DENND4C: variants seen among roughly 807,000 people sequenced by gnomAD.
The protein encoded by DENND4C is DENN domain containing 4C.
A neutral mutation model predicts 203.0 loss-of-function variants in DENND4C; 108 were observed. The ratio of observed to expected loss-of-function variants is 0.53; its 90% CI spans 0.46 to 0.62. The LOEUF (loss-of-function observed/expected upper bound fraction) is 0.62. DENND4C is among the 20% of genes least tolerant of loss of function. The probability of loss-of-function intolerance (pLI) is 0.00; values close to 1 mark genes in which losing one functional copy is unlikely to be tolerated. For synonymous variants in DENND4C, 871 were observed against 792.4 expected (o/e 1.10, Z -1.67); for missense variants, 2,481 against 2,301.2 (o/e 1.08, Z -1.60).
intron 12 of DENND4C, among the ~76,000 whole-genome samples, chr9:19,320,657 G>A (rs905809760): frequency 1.2e-4 from 18 of 152,210 alleles, no homozygotes; most frequent in African/African-American, 4.3e-4. Flanking sequence ...CTCTTGGCAA[G>A]AAGTGCCAAA....
chr9:19,257,902 C>T (rs1005324057), intron 1 of DENND4C, among the ~76,000 whole-genome samples: 2 of 152,050 alleles, frequency 1.3e-5, no homozygotes, highest in African/African-American at 4.8e-5. Flanking sequence ...GGGGGAGAAT[C>T]GCTTGAGCCC....
intron 12 of DENND4C, among the ~76,000 whole-genome samples, chr9:19,317,313 C>G (rs527295562): frequency 1.4e-3 from 209 of 151,846 alleles, no homozygotes; most frequent in African/African-American, 4.8e-3. Flanking sequence ...AGCCACTGCA[C>G]TTGGCCAGAT....
rs371630418 is a variant in DENND4C, at chr9:19,276,055, G to C, written c.-17-103G>C. On this transcript the variant is annotated intron_variant, in intron 1 of 32. Coordinates refer to ENST00000434457, the MANE Select transcript of DENND4C (RefSeq NM_001330640.2). ...GAATGGCAATTTGATTATAAATCTA[G>C]CTGGGAAGTGTGCTAGTTGATGATT... 132 of 524,922 alleles carry C rather than the reference G, an allele frequency of 2.5e-4. 1 individual carries two copies. In the South Asian group the frequency reaches 0.012, roughly 48 times the overall value. The allele number at this position is 524,922 out of a possible 1,614,324, so 32.5% of individuals were successfully genotyped here.
intron 2 of DENND4C, among the ~76,000 whole-genome samples, chr9:19,285,805 T>C (rs1054739789): frequency 2.9e-4 from 44 of 152,308 alleles, no homozygotes; most frequent in African/African-American, 9.4e-4. Flanking sequence ...ACACTACATA[T>C]TGAAAAGACT....
At chr9:19,302,086 A>G (rs1034497255) in intron 9 of DENND4C, among the ~76,000 whole-genome samples, 1 of 152,246 alleles carries the variant, frequency 6.6e-6, no homozygotes, top group East Asian at 1.9e-4. Flanking sequence ...ATTGGTAATC[A>G]TATGAAAAAT....
At chr9:19,258,522 A>G (rs1020535746) in intron 1 of DENND4C, among the ~76,000 whole-genome samples, 4 of 152,242 alleles carry the variant, frequency 2.6e-5, no homozygotes, top group African/African-American at 9.6e-5. Flanking sequence ...TATGCCAGAA[A>G]TTCAGGATTG....
At chr9:19,331,456 C>T (rs1819155140) in intron 16 of DENND4C, among the ~76,000 whole-genome samples, 2 of 152,116 alleles carry the variant, frequency 1.3e-5, no homozygotes, top group Non-Finnish European at 1.5e-5. Context: ...CTGCCTTGGC[C>T]TCCCAAAGTG....
At chr9:19,298,180 C>T in intron 7 of DENND4C, 58 bp downstream of exon 7, 1 of 1,472,394 alleles carries the variant, frequency 6.8e-7, no homozygotes, top group Non-Finnish European at 9.4e-7. Flanking sequence ...TGAGTCATTG[C>T]AGAGTGGATT....
chr9:19,329,329 G>T lies in DENND4C; in HGVS notation c.2253+1167G>T, dbSNP rs149242827. On this transcript the variant is annotated intron_variant, in intron 16 of 32. Coordinates refer to ENST00000434457, the MANE Select transcript of DENND4C (RefSeq NM_001330640.2). ...AACTGCATAATATGTATTCTTTTGT[G>T]ACTGGCATCTTTCATTTAGTGTAAC... Among the ~76,000 whole-genome samples the T allele has an allele frequency of 7.6e-4, 115 of 152,252 alleles. 3 individuals carry two copies. The Middle Eastern group carries it at 0.01, about 14-fold the overall frequency.
At position 19,358,147 on chromosome 9, in the gene DENND4C, T is replaced by C; in HGVS notation, c.5147T>C (p.Leu1716Pro). The change falls in exon 28 of 33, where the codon CTG becomes CCG. Residue 1716 changes from leucine (L) to proline (P), a missense_variant. By Grantham distance (98) the Leu-to-Pro change is moderately conservative. Coordinates refer to ENST00000434457, the MANE Select transcript of DENND4C (RefSeq NM_001330640.2). This position sits in a 1 kb window ranked among gnomAD's most constrained non-coding sequence, Gnocchi z 4.8. ...TCAACAGTTAGTCTTCCAAATAGTC[T>C]GCAGGAAGTTGTGGTATGTAACAAC... ...GISTVSLPNSLQEVVDPLGKR... is the reference protein window; with the variant it reads ...GISTVSLPNSPQEVVDPLGKR... The C allele has an allele frequency of 6.2e-7, 1 of 1,613,420 alleles. No homozygotes were observed. Among genetic ancestry groups the C allele is most frequent in the African/African-American group, 1.3e-5 (1 of 75,036 alleles).
At chr9:19,363,479 GC>G in intron 30 of DENND4C, among the ~76,000 whole-genome samples, 1 of 151,752 alleles carries the variant, frequency 6.6e-6, no homozygotes, top group Non-Finnish European at 1.5e-5. Flanking sequence ...TCCAGCCTGG[GC>G]GACAGAGTGA....
rs1468012225 is a variant in DENND4C at position 19,328,068 on chromosome 9, A to G, written c.2159A>G (p.Asp720Gly). The change falls in exon 16 of 33, where the codon GAC becomes GGC. Residue 720 changes from aspartate to glycine, a missense_variant. Coordinates refer to ENST00000434457, the MANE Select transcript of DENND4C (RefSeq NM_001330640.2). ...YFPRLDLKLF[D>G]RPQELKLCFS... ...CCAAGACTGGACCTTAAGCTTTTTG[A>G]CAGACCGCAGGAGTTGAAACTTTGT... 1 of 1,612,410 alleles carries G rather than the reference A, an allele frequency of 6.2e-7. No homozygotes were observed. The highest frequency in any genetic ancestry group is 8.5e-7 in the Non-Finnish European group (1 of 1,179,508).
At chr9:19,328,774 C>T (rs954374258) in intron 16 of DENND4C, among the ~76,000 whole-genome samples, 4 of 152,054 alleles carry the variant, frequency 2.6e-5, no homozygotes, top group Middle Eastern at 3.4e-3. Context: ...ATTGGCCGGG[C>T]GCAGTGGCTC....
chr9:19,286,678 A>G (rs1040283320), intron 2 of DENND4C, 91 bp from the exon 3 acceptor site: 7 of 1,156,380 alleles, frequency 6.1e-6, no homozygotes, highest in Non-Finnish European at 5.4e-6. Flanking sequence ...GAAAACCAGC[A>G]TTAACCTGAA....
intron 31 of DENND4C, chr9:19,371,393 G>A (rs1238606721): frequency 6.2e-6 from 1 of 160,772 alleles, no homozygotes; most frequent in South Asian, 1.8e-4. Context: ...CTCTGCTTTT[G>A]TAAATTTTAT....
intron 1 of DENND4C, among the ~76,000 whole-genome samples, chr9:19,260,367 T>C (rs1829045337): frequency 1.4e-5 from 1 of 72,170 alleles, no homozygotes; most frequent in Admixed American, 1.6e-4. Context: ...TCCTTATATG[T>C]TCTGGTTATG....
At chr9:19,249,494 G>C (rs992776960) in intron 1 of DENND4C, among the ~76,000 whole-genome samples, 3 of 152,082 alleles carry the variant, frequency 2.0e-5, no homozygotes, top group Non-Finnish European at 4.4e-5. Flanking sequence ...GATCTCAAGT[G>C]ATCCACCTGC....
chr9:19,287,387 T>A (rs1159885800), intron 3 of DENND4C, among the ~76,000 whole-genome samples: 3 of 152,208 alleles, frequency 2.0e-5, no homozygotes, highest in East Asian at 1.9e-4. Flanking sequence ...TTGCTTTTTT[T>A]ATTTTTTTGA....
chr9:19,341,550 T>A (rs923053153), intron 21 of DENND4C, among the ~76,000 whole-genome samples: 1 of 151,866 alleles, frequency 6.6e-6, no homozygotes, highest in African/African-American at 2.4e-5. Flanking sequence ...GCTCAAGTGA[T>A]CTTCCTGCCT....
Sources: gnomAD v4.1 joint callset for allele counts (sites outside exome capture counted in the v4.1 genomes callset) on GRCh38, gnomAD v4.1.1 for gene constraint, Gnocchi (gnomAD v3.1) non-coding constraint, MANE v1.5 for transcripts, NCBI Gene and HGNC (gene_info 2026-07-23, HGNC 2026-07-21) for gene names.